The following DNAH6 variants were observed in gnomAD, a reference collection of about 807,000 sequenced individuals.
The protein encoded by DNAH6 is dynein axonemal heavy chain 6, also known as axonemal beta dynein heavy chain 6.
Under a neutral mutation model 491.4 loss-of-function variants are expected in DNAH6, and 340 were observed. The observed-to-expected ratio is 0.69, with a 90% CI of 0.63 to 0.76. DNAH6 has a LOEUF of 0.76. DNAH6 is among the 30% of genes least tolerant of loss of function. DNAH6 has a pLI of 0.00. For missense variants in DNAH6, 4,443 were observed against 4,972.2 expected (o/e 0.89, Z 3.20); for synonymous variants, 1,603 against 1,686.1 (o/e 0.95, Z 1.21).
At chr2:84,708,475 A>AGGGGG (rs137904290) in intron 54 of DNAH6, among the ~76,000 whole-genome samples, 14 of 49,664 alleles carry the variant, frequency 2.8e-4, no homozygotes, top group Non-Finnish European at 2.9e-4. Flanking sequence ...AAAGAGAGAA[A>AGGGGG]GGGGGGGGGG....
intron 68 of DNAH6, among the ~76,000 whole-genome samples, chr2:84,792,119 T>C (rs1159214398): frequency 6.6e-6 from 1 of 152,178 alleles, no homozygotes; most frequent in Non-Finnish European, 1.5e-5. Flanking sequence ...GTGAAATAAG[T>C]TAGTCACAGA....
intron 16 of DNAH6, among the ~76,000 whole-genome samples, chr2:84,591,232 TAATA>T (rs1318955135): frequency 1.3e-5 from 2 of 152,144 alleles, no homozygotes; most frequent in South Asian, 2.1e-4. Context: ...AATTTAAAAA[TAATA>T]AATAAACTCA....
intron 68 of DNAH6, among the ~76,000 whole-genome samples, chr2:84,795,050 T>A (rs1678199883): frequency 6.8e-6 from 1 of 146,082 alleles, no homozygotes; most frequent in African/African-American, 2.5e-5. Flanking sequence ...AAATTGGAAA[T>A]CATCATTCTC....
At position 84,524,630 on chromosome 2, in the gene DNAH6, G is replaced by A. The variant is rs60106947; in HGVS notation, c.226-935G>A. Among the ~76,000 whole-genome samples the A allele has an allele frequency of 5.8e-3, 888 of 152,104 alleles. 18 individuals are homozygous for A. The East Asian group carries it at 0.074, about 13-fold the overall frequency. On this transcript the variant is annotated intron_variant, in intron 2 of 76. Coordinates refer to ENST00000389394, the MANE Select transcript of DNAH6 (RefSeq NM_001370.2). Reference sequence around the variant, plus strand: ...TCAAGATCTCTTGTAAGGCAGATCTGGTGGTAATGAAATCCCTCAACATCT... The same window carrying A: ...TCAAGATCTCTTGTAAGGCAGATCTAGTGGTAATGAAATCCCTCAACATCT...
intron 15 of DNAH6, among the ~76,000 whole-genome samples, chr2:84,586,278 A>T (rs569058260): frequency 5.9e-5 from 9 of 152,288 alleles, no homozygotes; most frequent in Admixed American, 3.3e-4. Context: ...CAAAGCTCCC[A>T]CTTGTCCCTA....
chr2:84,492,345 G>A, the DNAH6 span, among the ~76,000 whole-genome samples: 14,242 of 152,178 alleles, frequency 0.094, 778 homozygotes, highest in Non-Finnish European at 0.12. Context: ...ACTGGGGGAG[G>A]ATGGAGCAAA....
At chr2:84,766,646 T>C (rs1330014825) in intron 64 of DNAH6, among the ~76,000 whole-genome samples, 1 of 152,102 alleles carries the variant, frequency 6.6e-6, no homozygotes, top group East Asian at 1.9e-4. Flanking sequence ...TAAGGAAATA[T>C]ATGTTTGAAG....
intron 46 of DNAH6, among the ~76,000 whole-genome samples, chr2:84,695,197 G>A (rs1291879613): frequency 6.6e-6 from 1 of 151,994 alleles, no homozygotes; most frequent in Non-Finnish European, 1.5e-5. Context: ...AGAAGAAATA[G>A]AAAAAATGTG....
At chr2:84,582,286 C>T (rs1683105964) in intron 14 of DNAH6, among the ~76,000 whole-genome samples, 2 of 152,260 alleles carry the variant, frequency 1.3e-5, no homozygotes, top group African/African-American at 4.8e-5. Context: ...TATTCTAGAA[C>T]CGTGGTTCTC....
Position 84,642,045 on chromosome 2 carries a change from TTCTG to T in DNAH6, c.5071_5074del (p.Leu1691SerfsTer30). 6.5e-7 allele frequency: 1 copy of T among 1,547,586 alleles called. No homozygotes were observed. The highest frequency in any genetic ancestry group is 2.4e-5 in the East Asian group (1 of 40,872). On this transcript the variant is annotated frameshift_variant, in exon 33 of 77. Transcript: ENST00000389394. LOFTEE classifies it high-confidence loss of function. Reference sequence around the variant, plus strand: ...CCAAAATTTCTAACAGATGATGCTCTTCTGTTCAGGTAAGTTTGTAGACATTACC... The same window carrying T: ...CCAAAATTTCTAACAGATGATGCTCTTTCAGGTAAGTTTGTAGACATTACC...
At chr2:84,573,861 G>C in intron 12 of DNAH6, among the ~76,000 whole-genome samples, 1 of 152,162 alleles carries the variant, frequency 6.6e-6, no homozygotes, top group East Asian at 1.9e-4. Context: ...TCAGTGCTAA[G>C]AGTATATAGC....
Position 84,742,638 on chromosome 2 carries a change from T to G in DNAH6, c.10343-2442T>G, listed in dbSNP as rs189375991. On this transcript the variant is annotated intron_variant, in intron 62 of 76. Transcript: ENST00000389394. ...ATTGGTCATCTTTATTTTGGGCATATTTTTCTGCCAGCTTTTTCTTTGCTT... is the reference window on the plus strand; with the variant it reads ...ATTGGTCATCTTTATTTTGGGCATAGTTTTCTGCCAGCTTTTTCTTTGCTT... Among the ~76,000 whole-genome samples the G allele has an allele frequency of 2.1e-3, 296 of 139,710 alleles. 1 individual carries two copies. Among genetic ancestry groups the G allele is most frequent in the African/African-American group, 8.5e-3 (286 of 33,766 alleles). 91.7% of individuals were successfully genotyped at this position (139,710 alleles called of 152,430 possible).
At chr2:84,785,854 A>G in intron 67 of DNAH6, 98 bp downstream of exon 67, 1 of 1,229,570 alleles carries the variant, frequency 8.1e-7, no homozygotes, top group Non-Finnish European at 1.1e-6. Context: ...TCATTGTGAA[A>G]TGCTGAAGGC....
At chr2:84,704,669 C>T (rs1696260316) in intron 51 of DNAH6, among the ~76,000 whole-genome samples, 1 of 152,154 alleles carries the variant, frequency 6.6e-6, no homozygotes, top group Non-Finnish European at 1.5e-5. Context: ...GGACCATAGG[C>T]GAGCTCAGGA....
At chr2:84,560,340 G>A (rs1443122215) in intron 11 of DNAH6, among the ~76,000 whole-genome samples, 1 of 151,536 alleles carries the variant, frequency 6.6e-6, no homozygotes. Context: ...AGGCAATAAT[G>A]GAGGAGCATT....
At position 84,805,725 on chromosome 2, in the gene DNAH6, G is replaced by A. The variant is rs77179930; in HGVS notation, c.11542G>A (p.Gly3848Ser). Residue 3848 changes from glycine to serine, a missense_variant, in exon 71 of 77, where the codon GGT (glycine) becomes AGT (serine). Physicochemically the swap from Gly to Ser is moderately conservative, Grantham distance 56 (BLOSUM62 0). This residue lies in a region of DNAH6 where 1,463 missense variants were observed against 1,656.6 expected (regional missense o/e 0.88). Coordinates refer to ENST00000389394, the MANE Select transcript of DNAH6 (RefSeq NM_001370.2). ...ILEVQPRSST[G>S]GEGKSNDEIV... ...TGAGGTTCAGCCAAGGTCATCTACTGGTGGAGAGGGAAAAAGCAATGACGA... is the reference window on the plus strand; with the variant it reads ...TGAGGTTCAGCCAAGGTCATCTACTAGTGGAGAGGGAAAAAGCAATGACGA... 7.0e-4 allele frequency: 1,087 copies of A among 1,551,680 alleles called. 7 individuals are homozygous for A. The African/African-American group carries it at 0.013, about 18-fold the overall frequency.
chr2:84,483,116 A>G, the DNAH6 span, among the ~76,000 whole-genome samples: 1 of 152,068 alleles, frequency 6.6e-6, no homozygotes, highest in Non-Finnish European at 1.5e-5. Flanking sequence ...ATGTGGCACC[A>G]TGCCTGGCTA....
intron 28 of DNAH6, 130 bp from the exon 29 acceptor site, chr2:84,624,772 G>A: frequency 2.4e-6 from 3 of 1,229,956 alleles, no homozygotes; most frequent in Non-Finnish European, 3.3e-6. Context: ...TATGTGCATG[G>A]ATCTTTTGGT....
intron 15 of DNAH6, among the ~76,000 whole-genome samples, chr2:84,585,265 T>C (rs1683424371): frequency 6.6e-6 from 1 of 152,214 alleles, no homozygotes; most frequent in South Asian, 2.1e-4. Context: ...AGCATTATGA[T>C]ACCCTTAGTG....
Sources: gnomAD v4.1 joint callset for allele counts (sites outside exome capture counted in the v4.1 genomes callset) on GRCh38, gnomAD v4.1.1 for gene constraint, gnomAD v4.1.1 regional missense constraint, MANE v1.5 for transcripts, NCBI Gene and HGNC (gene_info 2026-07-23, HGNC 2026-07-21) for gene names.